The following GALNTL6 variants were observed in gnomAD, a reference collection of about 807,000 sequenced individuals.
GALNTL6 encodes polypeptide N-acetylgalactosaminyltransferase-like 6.
In GALNTL6, 46 loss-of-function variants were observed where a neutral mutation model predicts 73.7. The observed-to-expected ratio is 0.62, with a 90% CI of 0.49 to 0.80. The LOEUF (loss-of-function observed/expected upper bound fraction) is 0.80, where lower values mean the gene tolerates loss of function less well. Ranked by LOEUF, GALNTL6 falls within the 30% of genes least tolerant of loss-of-function variation. The pLI, the probability that GALNTL6 is intolerant of heterozygous loss-of-function variation, is 0.00. For synonymous variants in GALNTL6, 259 were observed against 263.7 expected, an observed-to-expected ratio of 0.98 and a Z score of 0.17; for missense variants, 604 against 755.0, an observed-to-expected ratio of 0.80 and a Z score of 2.34.
At chr4:172,113,215 T>G (rs749199644) in intron 2 of GALNTL6, among the ~76,000 whole-genome samples, 2 of 152,086 alleles carry the variant, frequency 1.3e-5, no homozygotes, top group Admixed American at 6.6e-5. Context: ...CCTCACATTC[T>G]GATCCCATTT....
chr4:172,518,619 C>A (rs1156581880), intron 5 of GALNTL6, among the ~76,000 whole-genome samples: 1 of 151,786 alleles, frequency 6.6e-6, no homozygotes, highest in African/African-American at 2.4e-5. Context: ...ATATTCAGGT[C>A]AGAGATTTAG....
At chr4:172,129,253 GA>G (rs967622345) in intron 2 of GALNTL6, among the ~76,000 whole-genome samples, 3 of 152,036 alleles carry the variant, frequency 2.0e-5, no homozygotes, top group East Asian at 1.9e-4. Flanking sequence ...AGAGTAAGTA[GA>G]AAAAAATATA....
intron 2 of GALNTL6, among the ~76,000 whole-genome samples, chr4:171,890,518 G>A (rs1161770792): frequency 6.6e-6 from 1 of 151,976 alleles, no homozygotes; most frequent in African/African-American, 2.4e-5. Flanking sequence ...CTTCTTGAAA[G>A]ATATGAACTG....
intron 3 of GALNTL6, among the ~76,000 whole-genome samples, chr4:172,301,782 G>A (rs1188058069): frequency 2.0e-5 from 3 of 152,184 alleles, no homozygotes; most frequent in East Asian, 3.9e-4. Context: ...GCCCCTACTG[G>A]GGGGTGCCTC....
At chr4:172,671,843 G>A (rs923508006) in intron 5 of GALNTL6, among the ~76,000 whole-genome samples, 1 of 151,874 alleles carries the variant, frequency 6.6e-6, no homozygotes, top group Non-Finnish European at 1.5e-5. Context: ...ACACCTAGGG[G>A]TTTTTGTTTG....
intron 2 of GALNTL6, among the ~76,000 whole-genome samples, chr4:171,850,656 G>T (rs1283616244): frequency 6.6e-6 from 1 of 152,160 alleles, no homozygotes; most frequent in African/African-American, 2.4e-5. Flanking sequence ...ACAAAGAGTA[G>T]GCTATGTTAG....
intron 5 of GALNTL6, among the ~76,000 whole-genome samples, chr4:172,600,788 A>C (rs926510021): frequency 2.0e-5 from 3 of 152,134 alleles, no homozygotes; most frequent in Admixed American, 6.6e-5. Flanking sequence ...AAACTTGAAA[A>C]CCAGCCTGGA....
intron 7 of GALNTL6, among the ~76,000 whole-genome samples, chr4:172,849,186 A>G (rs1225324048): frequency 6.6e-6 from 1 of 152,186 alleles, no homozygotes; most frequent in Admixed American, 6.6e-5. Flanking sequence ...AGTTCTTTCA[A>G]TATAATCCTC....
intron 5 of GALNTL6, among the ~76,000 whole-genome samples, chr4:172,581,765 C>T (rs1343365813): frequency 2.0e-5 from 3 of 152,170 alleles, no homozygotes; most frequent in Non-Finnish European, 2.9e-5. Flanking sequence ...GAGAGATGAT[C>T]TAGGAAAATT....
At chr4:172,008,974 G>A (rs1740919602) in intron 2 of GALNTL6, among the ~76,000 whole-genome samples, 1 of 152,002 alleles carries the variant, frequency 6.6e-6, no homozygotes, top group South Asian at 2.1e-4. Context: ...GAAAAAGGAA[G>A]GAAAGAAAGT....
At chr4:172,653,608 GA>G (rs200109968) in intron 5 of GALNTL6, among the ~76,000 whole-genome samples, 4 of 150,424 alleles carry the variant, frequency 2.7e-5, no homozygotes, top group African/African-American at 7.3e-5. Flanking sequence ...GAAGAAAGAG[GA>G]AAAAAAAATA....
chr4:172,069,477 T>A (rs543926804), intron 2 of GALNTL6, among the ~76,000 whole-genome samples: 1 of 33,476 alleles, frequency 3.0e-5, no homozygotes, highest in Non-Finnish European at 1.1e-4. Flanking sequence ...ACATATATGT[T>A]ATATATAACA....
rs188733030 is a variant in GALNTL6 at position 172,610,876 on chromosome 4, G to A, written c.554-198485G>A. Among the ~76,000 whole-genome samples the A allele has an allele frequency of 1.9e-4, 29 of 152,194 alleles. No individual in the cohort carries two copies. In the East Asian group the frequency reaches 5.4e-3, roughly 28 times the overall value. On this transcript the variant is annotated intron_variant, in intron 5 of 12. Transcript: ENST00000506823. The stretch of plus-strand genomic sequence containing the variant: ...TTATGAATCTGGATGTTCCTGTGTT[G>A]TGTGCATATATATGTAGGATAGTTG...
At chr4:172,784,912 A>C (rs1739571634) in intron 5 of GALNTL6, among the ~76,000 whole-genome samples, 1 of 152,156 alleles carries the variant, frequency 6.6e-6, no homozygotes, top group Non-Finnish European at 1.5e-5. Context: ...TGACAGATGC[A>C]AAGGAACCCA....
chr4:172,233,538 T>C (rs1007210140), intron 3 of GALNTL6, among the ~76,000 whole-genome samples: 4 of 152,174 alleles, frequency 2.6e-5, no homozygotes, highest in Admixed American at 6.5e-5. Flanking sequence ...TTTCCCTCCA[T>C]TGCTCTGAAC....
At chr4:171,916,287 T>G in intron 2 of GALNTL6, among the ~76,000 whole-genome samples, 1 of 152,050 alleles carries the variant, frequency 6.6e-6, no homozygotes, top group East Asian at 1.9e-4. Flanking sequence ...GCAGACTTAG[T>G]TGTATTTTTT....
At position 172,487,308 on chromosome 4, in the gene GALNTL6, T is replaced by G. The variant is rs28754603; in HGVS notation, c.553+138619T>G. Among the ~76,000 whole-genome samples the G allele has an allele frequency of 9.6e-3, 1,003 of 104,902 alleles. 14 individuals are homozygous for G. Among genetic ancestry groups the G allele is most frequent in the African/African-American group, 0.037 (852 of 23,020 alleles). The allele number at this position is 104,902 out of a possible 152,430, so 68.8% of individuals were successfully genotyped here. A position where few individuals can be genotyped will look rare whatever the true frequency, so the allele number is the denominator to read the frequency against. On this transcript the variant is annotated intron_variant, in intron 5 of 12. Transcript: ENST00000506823. ...TTTCCTTCTTTCCTTCTGTCTTTCT[T>G]TCTTTCTTTCTTTCTTTCTTTCTTT...
intron 5 of GALNTL6, among the ~76,000 whole-genome samples, chr4:172,559,057 G>GTTTT (rs1356116270): frequency 7.9e-4 from 32 of 40,490 alleles, no homozygotes; most frequent in Admixed American, 2.5e-3. Flanking sequence ...AATGATAATG[G>GTTTT]ATTTTTTTTT....
chr4:172,602,013 A>G (rs1183041647), intron 5 of GALNTL6, among the ~76,000 whole-genome samples: 1 of 152,140 alleles, frequency 6.6e-6, no homozygotes, highest in East Asian at 1.9e-4. Context: ...AGAAGGATAG[A>G]AGACGTCATC....
Sources: allele counts gnomAD v4.1 joint callset (sites outside exome capture counted in the v4.1 genomes callset), GRCh38; gene constraint gnomAD v4.1.1; transcripts MANE v1.5; gene names NCBI Gene and HGNC (gene_info 2026-07-23, HGNC 2026-07-21).